NHSL2: variants seen among roughly 807,000 people sequenced by gnomAD.
The protein encoded by NHSL2 is NHS like 2, also known as NHS-like protein 2.
Under a neutral mutation model 53.4 loss-of-function variants are expected in NHSL2, and 27 were observed. The ratio of observed to expected loss-of-function variants is 0.51; its 90% confidence interval spans 0.37 to 0.70. The LOEUF (loss-of-function observed/expected upper bound fraction) is 0.70. Ranked by LOEUF, NHSL2 falls within the 30% of genes least tolerant of loss-of-function variation. The probability of loss-of-function intolerance (pLI) is 0.00; values close to 1 mark genes in which losing one functional copy is unlikely to be tolerated. For synonymous variants in NHSL2, 408 were observed against 404.1 expected, an observed-to-expected ratio of 1.01 and a Z score of -0.12; for missense variants, 892 against 980.1, an observed-to-expected ratio of 0.91 and a Z score of 1.20.
chrX:71,943,486 C>T (rs1442938625), intron 1 of NHSL2, among the ~76,000 whole-genome samples: 1 of 112,736 alleles, frequency 8.9e-6, no homozygotes, highest in Admixed American at 9.3e-5. Context: ...CGCCTGTTTC[C>T]CTTCTAGGAC....
rs879168606 is a variant in NHSL2 at position 72,049,009 on chromosome X, A to AGAAGAGGAAGAGGAAGAG, written c.281-83052_281-83035dup. Among the ~76,000 whole-genome samples the AGAAGAGGAAGAGGAAGAG allele has an allele frequency of 5.4e-3, 468 of 86,164 alleles. 1 individual carries two copies. The highest frequency in any genetic ancestry group is 7.3e-3 in the Non-Finnish European group (333 of 45,912). The allele number at this position is 86,164 out of a possible 115,157, so 74.8% of individuals were successfully genotyped here. On this transcript the variant is annotated intron_variant, in intron 1 of 7. Transcript: ENST00000633930. ...GAGGAGAAGAAGAAGAAGAAGAAGA[A>AGAAGAGGAAGAGGAAGAG]GAAGAGGAAGAGGAAGAGGAAGAGG...
At chrX:72,054,474 A>C (rs2042357401) in intron 1 of NHSL2, among the ~76,000 whole-genome samples, 1 of 111,351 alleles carries the variant, frequency 9.0e-6, no homozygotes, top group South Asian at 3.8e-4. Flanking sequence ...TCTGAAATAG[A>C]GTTGGTTTTT....
At chrX:72,085,686 C>T (rs2041833134) in intron 1 of NHSL2, among the ~76,000 whole-genome samples, 1 of 106,742 alleles carries the variant, frequency 9.4e-6, no homozygotes, top group African/African-American at 3.4e-5. Context: ...ATGATCACTG[C>T]TCTAGGAGAA....
chrX:72,135,106 G>A (rs373981878), intron 4 of NHSL2, among the ~76,000 whole-genome samples: 2 of 111,876 alleles, frequency 1.8e-5, no homozygotes, highest in East Asian at 5.6e-4. Flanking sequence ...GAGCAGGAGA[G>A]TGGGGTTTGG....
chrX:72,082,604 G>C (rs773329491), intron 1 of NHSL2, among the ~76,000 whole-genome samples: 1 of 112,175 alleles, frequency 8.9e-6, no homozygotes, highest in South Asian at 3.7e-4. Context: ...GACAGAACAG[G>C]GATTGAACCC....
At chrX:72,137,299 C>A in intron 5 of NHSL2, 74 bp downstream of exon 5, 1 of 989,710 alleles carries the variant, frequency 1.0e-6, no homozygotes, top group Non-Finnish European at 1.4e-6. Flanking sequence ...CCAGGTGGTA[C>A]TGTGGTGATG....
chrX:71,913,958 A>T (rs1472055398), intron 1 of NHSL2, among the ~76,000 whole-genome samples: 2 of 112,864 alleles, frequency 1.8e-5, no homozygotes, highest in African/African-American at 6.4e-5. Context: ...ACAGGGGTGG[A>T]CTGGGCTAGG....
intron 1 of NHSL2, among the ~76,000 whole-genome samples, chrX:72,105,541 G>A (rs2042030898): frequency 9.0e-6 from 1 of 111,644 alleles, no homozygotes; most frequent in Admixed American, 9.5e-5. Context: ...AGGGAACCGT[G>A]CCGTTGTCAT....
chrX:71,933,908 C>G (rs2041725372), intron 1 of NHSL2, among the ~76,000 whole-genome samples: 1 of 111,427 alleles, frequency 9.0e-6, no homozygotes, highest in African/African-American at 3.3e-5. Flanking sequence ...AGCTGGGGAA[C>G]TTGTGACAAC....
chrX:72,143,303 G>T lies in NHSL2; in HGVS notation c.3407G>T (p.Gly1136Val). 1 of 1,166,192 alleles carries T rather than the reference G, an allele frequency of 8.6e-7. No homozygotes were observed. The highest frequency in any genetic ancestry group is 1.1e-6 in the Non-Finnish European group (1 of 872,068). The change falls in exon 8 of 8, where the codon GGT becomes GTT. Residue 1136 changes from glycine (G) to valine (V), a missense_variant. Physicochemically the swap from Gly to Val is moderately radical, Grantham distance 109. Coordinates refer to ENST00000633930, the MANE Select transcript of NHSL2 (RefSeq NM_001013627.3). ...AAGGAACCTGGTGAGGCCTTTGTGG[G>T]TGGCAGAACGAGTTCCCACTCACCA... The part of the protein sequence containing the change: ...GWKEPGEAFV[G>V]GRTSSHSPIK...
chrX:71,961,681 T>C (rs2041868310), intron 1 of NHSL2, among the ~76,000 whole-genome samples: 1 of 111,404 alleles, frequency 9.0e-6, no homozygotes, highest in African/African-American at 3.3e-5. Flanking sequence ...GATTTTTGTT[T>C]TTGAGACAGA....
At chrX:72,132,861 G>A (rs915238240) in intron 2 of NHSL2, among the ~76,000 whole-genome samples, 1 of 112,094 alleles carries the variant, frequency 8.9e-6, no homozygotes, top group Non-Finnish European at 1.9e-5. Flanking sequence ...GTGCTCAGTG[G>A]ATGTTGAGCA....
At chrX:72,016,496 G>GA (rs2042136442) in intron 1 of NHSL2, among the ~76,000 whole-genome samples, 1 of 112,049 alleles carries the variant, frequency 8.9e-6, no homozygotes, top group African/African-American at 3.2e-5. Context: ...CAGGTTCTGT[G>GA]AAAAATTCCT....
intron 1 of NHSL2, among the ~76,000 whole-genome samples, chrX:71,979,744 G>C (rs1468136774): frequency 9.0e-6 from 1 of 111,487 alleles, no homozygotes; most frequent in African/African-American, 3.3e-5. Flanking sequence ...TTCTTTTGCT[G>C]TGCAGAAGCT....
chrX:72,006,034 A>G (rs978640803), intron 1 of NHSL2, among the ~76,000 whole-genome samples: 1 of 111,572 alleles, frequency 9.0e-6, no homozygotes, highest in African/African-American at 3.3e-5. Context: ...ACTCCAGGAT[A>G]AGTCCAGAGG....
intron 1 of NHSL2, among the ~76,000 whole-genome samples, chrX:71,930,199 C>T (rs1048465642): frequency 1.5e-4 from 17 of 111,807 alleles, no homozygotes; most frequent in African/African-American, 5.5e-4. Context: ...TACCTCACCT[C>T]CCACCCGTTT....
chrX:72,130,937 A>T, intron 1 of NHSL2: 1 of 1,211,959 alleles, frequency 8.3e-7, no homozygotes, highest in African/African-American at 1.7e-5. Context: ...GAGATGGCCC[A>T]GTCCTTGGCT....
In NHSL2 at chrX:72,138,866, A is replaced by C; in HGVS notation, c.1318A>C (p.Thr440Pro). Residue 440 changes from threonine to proline, a missense_variant, in exon 6 of 8, where the codon ACC (threonine) becomes CCC (proline). Physicochemically the swap from Thr to Pro is conservative, Grantham distance 38. Transcript: ENST00000633930. ...ACCTCTGGTTCCTAAGGAGGCTGCT[A>C]CCCTCCTTGTCGCTCGTGATAACCC... is the stretch of plus-strand genomic sequence containing the variant. ...VPPLVPKEAA[T>P]LLVARDNPAG... 1 of 1,209,586 alleles carries C rather than the reference A, an allele frequency of 8.3e-7. No homozygotes were observed. Among genetic ancestry groups the C allele is most frequent in the Non-Finnish European group, 1.1e-6 (1 of 893,922 alleles).
chrX:72,085,802 CAG>C (rs2041836867), intron 1 of NHSL2, among the ~76,000 whole-genome samples: 1 of 106,473 alleles, frequency 9.4e-6, no homozygotes, highest in Non-Finnish European at 1.9e-5. Context: ...GGGTCCCAGG[CAG>C]TGCAGCTGCT....
Sources: allele counts gnomAD v4.1 joint callset (sites outside exome capture counted in the v4.1 genomes callset), GRCh38; gene constraint gnomAD v4.1.1; transcripts MANE v1.5; gene names NCBI Gene and HGNC (gene_info 2026-07-23, HGNC 2026-07-21).